Variants in DUOX1 observed in about 807,000 individuals in gnomAD.
The protein encoded by DUOX1 is NADPH thyroid oxidase 1.
Under a neutral mutation model 181.8 loss-of-function variants are expected in DUOX1, and 134 were observed. The ratio of observed to expected loss-of-function variants is 0.74; its 90% CI spans 0.64 to 0.85. The LOEUF (loss-of-function observed/expected upper bound fraction) is 0.85. DUOX1 is among the 40% of genes least tolerant of loss of function. DUOX1 has a pLI of 0.00. For missense variants in DUOX1, 1,814 were observed against 2,064.4 expected (o/e 0.88, Z 2.35); for synonymous variants, 798 against 832.5 (o/e 0.96, Z 0.71).
At position 45,135,839 on chromosome 15, in the gene DUOX1, G is replaced by C. The variant is rs1369705820; in HGVS notation, c.755G>C (p.Trp252Ser). 2 of 1,425,420 alleles carry C rather than the reference G, an allele frequency of 1.4e-6. No homozygotes were observed. The highest frequency in any genetic ancestry group is 4.2e-5 in the Admixed American group (2 of 47,674). 88.3% of individuals were successfully genotyped at this position (1,425,420 alleles called of 1,614,324 possible). ...EPFLQALGLL[W>S]FRYHNLWAQR... is the part of the protein sequence containing the mutation. ...TTCCTGCAGGCGCTGGGCCTGCTCTGGTTCCGCTACCACAACCTGTGGGCG... is the reference window on the plus strand; with the variant it reads ...TTCCTGCAGGCGCTGGGCCTGCTCTCGTTCCGCTACCACAACCTGTGGGCG... Residue 252 changes from tryptophan (W) to serine (S), a missense_variant, in exon 7 of 34, where the codon TGG becomes TCG. Coordinates refer to ENST00000389037, the MANE Select transcript of DUOX1 (RefSeq NM_175940.3).
Position 45,137,992 on chromosome 15 carries a change from G to T in DUOX1, c.1091G>T (p.Cys364Phe). ...AGTGTCTCCAGAGCTCTCCGGGTCT[G>T]CAACAGCTACTGGAGCCGTGAGGTC... The part of the protein sequence containing the change: ...NSSVSRALRV[C>F]NSYWSREHPS... The change falls in exon 10 of 34, where the codon TGC becomes TTC. Residue 364 changes from cysteine (C) to phenylalanine (F), a missense_variant. By Grantham distance (205) the Cys-to-Phe change is radical. Transcript: ENST00000389037. 6.2e-7 allele frequency: 1 copy of T among 1,610,192 alleles called. No homozygotes were observed. Among genetic ancestry groups the T allele is most frequent in the African/African-American group, 1.3e-5 (1 of 74,854 alleles).
At chr15:45,161,072 T>G in intron 29 of DUOX1, 82 bp downstream of exon 29, 1 of 1,585,766 alleles carries the variant, frequency 6.3e-7, no homozygotes, top group East Asian at 2.3e-5. Flanking sequence ...CACAGTCTCC[T>G]GGTCGGGCCC....
rs1478106679 is a variant in DUOX1, at chr15:45,135,114, G to A, written c.318G>A (p.Val106=). The part of the protein sequence containing the change: ...TVLGVFFGYH[V]LSDLVSVETP... ...CTGCACTGCCCGCAGGCTATCACGT[G>A]CTTTCAGACCTGGTGAGCGTGGAAA... Residue 106 remains valine, a synonymous_variant, in exon 5 of 34, where the codon GTG becomes GTA. Coordinates refer to ENST00000389037, the MANE Select transcript of DUOX1 (RefSeq NM_175940.3). 2 of 1,613,620 alleles carry A rather than the reference G, an allele frequency of 1.2e-6. No individual in the cohort carries two copies. Among genetic ancestry groups the A allele is most frequent in the Non-Finnish European group, 1.7e-6 (2 of 1,179,854 alleles).
chr15:45,162,371 TAAG>T lies in DUOX1; in HGVS notation c.4246_4248del (p.Lys1416del). ...CATCCGTCAGCTGCCAAGTGTTCTG[TAAG>T]AAGGTGAGTACTGCCCCCACTTCCC... is the stretch of plus-strand genomic sequence containing the variant. On this transcript the variant is annotated inframe_deletion, in exon 31 of 34. Transcript: ENST00000389037. The T allele has an allele frequency of 1.2e-6, 2 of 1,613,724 alleles. No individual in the cohort carries two copies. Among genetic ancestry groups the T allele is most frequent in the South Asian group, 1.1e-5 (1 of 90,974 alleles).
rs767305748 is a variant in DUOX1 at position 45,136,615 on chromosome 15, G to A, written c.1012G>A (p.Val338Ile). 11 of 1,613,950 alleles carry A rather than the reference G, an allele frequency of 6.8e-6. No individual in the cohort carries two copies. Among genetic ancestry groups the A allele is most frequent in the Middle Eastern group, 1.6e-4 (1 of 6,082 alleles). Residue 338 changes from valine (V) to isoleucine (I), a missense_variant, in exon 9 of 34, where the codon GTC becomes ATC. Physicochemically the swap from Val to Ile is conservative, Grantham distance 29. Around this residue, in one of 5 missense-constraint regions of DUOX1, gnomAD observed 1,064 missense variants for 1,152.9 expected, o/e 0.92. Transcript: ENST00000389037. ...CCTGTCCACCATGGTGCCCCCTGGC[G>A]TCTACATGAGGTGAGGGAGGGGCTC... ...QFLSTMVPPG[V>I]YMRNASCHFQ...
chr15:45,143,298 T>C lies in DUOX1; in HGVS notation c.1931T>C (p.Met644Thr), dbSNP rs754436205. The change falls in exon 16 of 34, where the codon ATG becomes ACG. Residue 644 changes from methionine (M) to threonine (T), a missense_variant. Physicochemically the swap from Met to Thr is moderately conservative, Grantham distance 81 (BLOSUM62 -1). Around this residue, in one of 5 missense-constraint regions of DUOX1, gnomAD observed 1,064 missense variants for 1,152.9 expected, o/e 0.92. Coordinates refer to ENST00000389037, the MANE Select transcript of DUOX1 (RefSeq NM_175940.3). ...GTGTCTGAGAAGCTCGTGGGAGGCA[T>C]GGAAGGTAGGTCTAGGGCTGGCCAG... ...SIVSEKLVGG[M>T]EALEWQGHKE... 4 of 1,613,716 alleles carry C rather than the reference T, an allele frequency of 2.5e-6. No individual in the cohort carries two copies. The South Asian group carries it at 3.3e-5, about 13-fold the overall frequency.
chr15:45,134,211 C>T lies in DUOX1; in HGVS notation c.209C>T (p.Pro70Leu), dbSNP rs763376182. 3.9e-6 allele frequency: 6 copies of T among 1,556,986 alleles called. No homozygotes were observed. The East Asian group carries it at 9.1e-5, about 24-fold the overall frequency. The stretch of plus-strand genomic sequence containing the variant: ...GGCGTGTACCAGCCCTTGGGAGAAC[C>T]CCACCTGCCCAACCCCCGAGACCTT... ...ADGVYQPLGE[P>L]HLPNPRDLSN... The change falls in exon 4 of 34, where the codon CCC becomes CTC. Residue 70 changes from proline to leucine, a missense_variant. This residue lies in a region of DUOX1 where 320 missense variants were observed against 313.1 expected (regional missense o/e 1.02). Coordinates refer to ENST00000389037, the MANE Select transcript of DUOX1 (RefSeq NM_175940.3).
At position 45,134,697 on chromosome 15, in the gene DUOX1, G is replaced by C. The variant is rs190803601; in HGVS notation, c.307+388G>C. On this transcript the variant is annotated intron_variant, in intron 4 of 33. Coordinates refer to ENST00000389037, the MANE Select transcript of DUOX1 (RefSeq NM_175940.3). ...GGCTTCTAGGACAGGCTCAGGGCAG[G>C]GTTCTGATTCTGGCAGAGTGGACTG... Among the ~76,000 whole-genome samples, 176 of 152,318 alleles carry C rather than the reference G, an allele frequency of 1.2e-3. 1 individual carries two copies. The highest frequency in any genetic ancestry group is 4.1e-3 in the African/African-American group (171 of 41,568).
chr15:45,132,074 A>T, intron 2 of DUOX1, 50 bp downstream of exon 2: 1 of 1,501,816 alleles, frequency 6.7e-7, no homozygotes, highest in Non-Finnish European at 9.0e-7. Context: ...GGAACCCAGC[A>T]TCCTCTGGGC....
intron 10 of DUOX1, chr15:45,138,835 T>A: frequency 2.0e-6 from 1 of 507,482 alleles, no homozygotes; most frequent in Non-Finnish European, 3.5e-6. Flanking sequence ...AAGTAAAATT[T>A]TAAGATCCCT....
At chr15:45,154,099 C>A in intron 27 of DUOX1, 99 bp downstream of exon 27, 2 of 1,130,262 alleles carry the variant, frequency 1.8e-6, no homozygotes, top group Non-Finnish European at 2.7e-6. Flanking sequence ...ACTCACTCAG[C>A]TCTTCCGGTG....
intron 10 of DUOX1, 56 bp downstream of exon 10, chr15:45,138,070 G>GTGTGTGTT: frequency 2.6e-6 from 3 of 1,164,846 alleles, no homozygotes; most frequent in South Asian, 1.5e-5. Context: ...GCTTATGTGT[G>GTGTGTGTT]TGTGTGTATG....
intron 31 of DUOX1, among the ~76,000 whole-genome samples, chr15:45,162,740 G>T (rs1897139689): frequency 6.6e-6 from 1 of 152,270 alleles, no homozygotes; most frequent in Non-Finnish European, 1.5e-5. Context: ...ATTGGGCTGG[G>T]AGAGGGAAGG....
intron 30 of DUOX1, 51 bp from the exon 31 acceptor site, chr15:45,162,168 C>T (rs1260050404): frequency 1.5e-5 from 24 of 1,568,260 alleles, no homozygotes; most frequent in Middle Eastern, 3.4e-4. Context: ...TTCTGGCTTC[C>T]GATCTATGGT....
chr15:45,163,795 C>T lies in DUOX1; in HGVS notation c.4410C>T (p.Ile1470=). 2 of 1,614,120 alleles carry T rather than the reference C, an allele frequency of 1.2e-6. No homozygotes were observed. Among genetic ancestry groups the T allele is most frequent in the Non-Finnish European group, 1.7e-6 (2 of 1,180,010 alleles). Residue 1470 remains isoleucine (I), a synonymous_variant, in exon 33 of 34, where the codon ATC becomes ATT. Transcript: ENST00000389037. ...KFDLRTTMLY[I]CERHFQKVLN... ...TCCACCCTTCCCTACCATAGTACAT[C>T]TGTGAGCGGCACTTCCAGAAGGTTC... is the stretch of plus-strand genomic sequence containing the variant.
rs115611286 is a variant in DUOX1 at position 45,163,751 on chromosome 15, G to A, written c.4405-39G>A. 5.4e-4 allele frequency: 872 copies of A among 1,613,644 alleles called. 2 individuals are homozygous for A. The African/African-American group carries it at 0.011, about 20-fold the overall frequency. ...TCTGAGCTAGGAATTGACCCTAGCT[G>A]TGCCTGGCTGAACTTTGTTCCACCC... is the stretch of plus-strand genomic sequence containing the variant. On this transcript the variant is annotated intron_variant, in intron 32 of 33. Transcript: ENST00000389037.
chr15:45,144,894 G>GTT lies in DUOX1; in HGVS notation c.2137-1_2137insTT (p.Val713LeufsTer22). Reference sequence around the variant, plus strand: ...TGCTTTTGCTCGGGCTGCCCCCTTAGGTGCTGCTGTTTAACTTGGAGGAAG... The same window carrying GTT: ...TGCTTTTGCTCGGGCTGCCCCCTTAGTTGTGCTGCTGTTTAACTTGGAGGAAG... On this transcript the variant is annotated frameshift_variant and splice_region_variant. Transcript: ENST00000389037. LOFTEE classifies it high-confidence loss of function. 5.6e-6 allele frequency: 9 copies of GTT among 1,607,142 alleles called. No homozygotes were observed. Among genetic ancestry groups the GTT allele is most frequent in the Non-Finnish European group, 7.6e-6 (9 of 1,177,176 alleles).
At chr15:45,148,113 G>A in intron 20 of DUOX1, 116 bp downstream of exon 20, 2 of 1,424,532 alleles carry the variant, frequency 1.4e-6, no homozygotes, top group Middle Eastern at 1.9e-4. Flanking sequence ...CCTTACCCAT[G>A]TAACCAGAGG....
rs935037596 is a variant in DUOX1, at chr15:45,147,870, G to C, written c.2549-34G>C. On this transcript the variant is annotated intron_variant, in intron 19 of 33. Coordinates refer to ENST00000389037, the MANE Select transcript of DUOX1 (RefSeq NM_175940.3). ...AGCCTGGGGGTTCAGGCAGGCAGGC[G>C]GGGGCTCTCCTTATGGAGTCCTCCC... 4 of 1,586,676 alleles carry C rather than the reference G, an allele frequency of 2.5e-6. No homozygotes were observed. The Admixed American group carries it at 6.7e-5, about 26-fold the overall frequency.
Sources: gnomAD v4.1 joint callset for allele counts (sites outside exome capture counted in the v4.1 genomes callset) on GRCh38, gnomAD v4.1.1 for gene constraint, gnomAD v4.1.1 regional missense constraint, MANE v1.5 for transcripts, NCBI Gene and HGNC (gene_info 2026-07-23, HGNC 2026-07-21) for gene names.